Variants in NFIB observed in about 807,000 individuals in gnomAD.
The protein encoded by NFIB is nuclear factor 1 B-type.
In NFIB, 11 loss-of-function variants were observed where a neutral mutation model predicts 61.5. That is an observed-to-expected ratio of 0.18 (90% confidence interval 0.11 to 0.30). NFIB has a LOEUF of 0.30. NFIB is among the 10% of genes least tolerant of loss of function. NFIB has a pLI of 1.00. For synonymous variants in NFIB, 260 were observed against 216.5 expected, an observed-to-expected ratio of 1.20 and a Z score of -1.76; for missense variants, 471 against 608.9, an observed-to-expected ratio of 0.77 and a Z score of 2.38.
At chr9:14,217,332 C>G (rs965758492) in intron 2 of NFIB, among the ~76,000 whole-genome samples, 1 of 152,144 alleles carries the variant, frequency 6.6e-6, no homozygotes, top group Non-Finnish European at 1.5e-5. Flanking sequence ...TATACATTAT[C>G]TAATTATTCA....
the NFIB span, among the ~76,000 whole-genome samples, chr9:14,452,433 G>GGA: frequency 1.2e-5 from 1 of 80,068 alleles, no homozygotes; most frequent in South Asian, 3.6e-4. Context: ...GGGAGGGAGG[G>GGA]AGGGGAAGGA....
At chr9:14,111,253 A>T (rs117202510) in intron 10 of NFIB, among the ~76,000 whole-genome samples, 23 of 152,298 alleles carry the variant, frequency 1.5e-4, no homozygotes, top group Non-Finnish European at 5.9e-5. Context: ...TGAAAGAAGT[A>T]ATTCTTATGT....
Position 14,086,382 on chromosome 9 carries a change from A to ATT in NFIB, c.*1925_*1926dup, listed in dbSNP as rs35934119. 1.2e-4 allele frequency: 26 copies of ATT among 213,104 alleles called. No individual in the cohort carries two copies. The highest frequency in any genetic ancestry group is 1.4e-3 in the Middle Eastern group (1 of 690). The allele number at this position is 213,104 out of a possible 1,614,324, so 13.2% of individuals were successfully genotyped here. A position where few individuals can be genotyped will look rare whatever the true frequency, so the allele number is the denominator to read the frequency against. On this transcript the variant is annotated 3_prime_UTR_variant, in exon 11 of 11. Transcript: ENST00000380953. ...ACAAACAAACAAAAAAGCATACATT[A>ATT]TTTTTTTTTTAAATCTGTGTACTTA...
At chr9:14,290,826 T>C (rs1315863896) in intron 2 of NFIB, among the ~76,000 whole-genome samples, 2 of 152,238 alleles carry the variant, frequency 1.3e-5, no homozygotes, top group East Asian at 1.9e-4. Context: ...TAATGTTCTA[T>C]ATTCAGTATA....
chr9:14,253,254 A>G (rs1043937187), intron 2 of NFIB, among the ~76,000 whole-genome samples: 2 of 152,226 alleles, frequency 1.3e-5, no homozygotes, highest in East Asian at 1.9e-4. Context: ...TACTGCTAAC[A>G]TAACATCTTT....
At chr9:14,403,021 G>A (rs1206734988), upstream of NFIB, among the ~76,000 whole-genome samples, 1 of 152,184 alleles carries the variant, frequency 6.6e-6, no homozygotes, top group East Asian at 1.9e-4. Context: ...CTGGACTGGA[G>A]CATCCAGGCT....
intron 10 of NFIB, among the ~76,000 whole-genome samples, chr9:14,111,318 T>C (rs2037338737): frequency 2.0e-5 from 3 of 152,134 alleles, no homozygotes; most frequent in Admixed American, 1.3e-4. Context: ...TCATAAGGGA[T>C]AAGAAAATTA....
intron 5 of NFIB, among the ~76,000 whole-genome samples, chr9:14,148,255 T>C (rs904282012): frequency 1.3e-4 from 20 of 151,798 alleles, no homozygotes; most frequent in Non-Finnish European, 2.5e-4. Context: ...CCCAAATAGT[T>C]AGGATCACAC....
the NFIB span, among the ~76,000 whole-genome samples, chr9:14,422,142 G>A: frequency 2.6e-5 from 4 of 152,210 alleles, no homozygotes; most frequent in Non-Finnish European, 5.9e-5. Flanking sequence ...ACCATGCTAT[G>A]TAGGGTTAAC....
At position 14,200,887 on chromosome 9, in the gene NFIB, G is replaced by A. The variant is rs74422043; in HGVS notation, c.563-21107C>T. The stretch of plus-strand genomic sequence containing the variant: ...CTTCTTTAACTGCAAAACTCCTCCT[G>A]ATGTTGCTAGTGCACAACCTTTGTA... On this transcript the variant is annotated intron_variant, in intron 2 of 10. Transcript: ENST00000380953. Among the ~76,000 whole-genome samples the A allele has an allele frequency of 6.6e-4, 100 of 152,130 alleles. No homozygotes were observed. In the East Asian group the frequency reaches 0.011, roughly 16 times the overall value.
intron 2 of NFIB, among the ~76,000 whole-genome samples, chr9:14,285,309 G>T (rs1481339211): frequency 1.3e-5 from 2 of 152,126 alleles, no homozygotes. Context: ...TTTTAGTAGA[G>T]ACAGGGTTTC....
At chr9:14,459,692 C>T in the NFIB span, among the ~76,000 whole-genome samples, 1 of 152,142 alleles carries the variant, frequency 6.6e-6, no homozygotes, top group Non-Finnish European at 1.5e-5. Flanking sequence ...ACAACCCCAT[C>T]AAAAAGCGGG....
chr9:14,127,540 A>T (rs1385083061), intron 6 of NFIB, among the ~76,000 whole-genome samples: 1 of 152,200 alleles, frequency 6.6e-6, no homozygotes, highest in African/African-American at 2.4e-5. Flanking sequence ...GTAGTTCAGC[A>T]TGTATCTCTA....
At chr9:14,433,852 C>A in the NFIB span, among the ~76,000 whole-genome samples, 1 of 152,164 alleles carries the variant, frequency 6.6e-6, no homozygotes, top group African/African-American at 2.4e-5. Context: ...TATTGATTTT[C>A]ATGATTGCAT....
chr9:14,519,019 TG>T, the NFIB span, among the ~76,000 whole-genome samples: 1 of 152,202 alleles, frequency 6.6e-6, no homozygotes, highest in Non-Finnish European at 1.5e-5. Context: ...TCATCTTTGA[TG>T]GGTCCTTTTG....
At chr9:14,257,050 G>C (rs934469326) in intron 2 of NFIB, among the ~76,000 whole-genome samples, 5 of 152,182 alleles carry the variant, frequency 3.3e-5, no homozygotes, top group Non-Finnish European at 7.3e-5. Flanking sequence ...TTATGGATTA[G>C]GCAGTATTGC....
In NFIB at chr9:14,086,520, A is replaced by G. The variant is rs1338610758; in HGVS notation, c.*1789T>C. On this transcript the variant is annotated 3_prime_UTR_variant, in exon 11 of 11. Transcript: ENST00000380953. ...CCCAAATATTAATTGGAAGATGAAA[A>G]ACATGAAAGGTTAATAGAAAAAAAC... 9.6e-6 allele frequency: 2 copies of G among 207,512 alleles called. No individual in the cohort carries two copies. The highest frequency in any genetic ancestry group is 4.6e-5 in the African/African-American group (2 of 43,868). 12.9% of individuals were successfully genotyped at this position (207,512 alleles called of 1,614,324 possible). A position where few individuals can be genotyped will look rare whatever the true frequency, so the allele number is the denominator to read the frequency against.
At chr9:14,219,979 A>C (rs2051440145) in intron 2 of NFIB, among the ~76,000 whole-genome samples, 1 of 152,174 alleles carries the variant, frequency 6.6e-6, no homozygotes, top group African/African-American at 2.4e-5. Context: ...ACACCAAAAA[A>C]ACTTTTCCAA....
intron 2 of NFIB, among the ~76,000 whole-genome samples, chr9:14,268,120 CAA>C (rs60610470): frequency 0.021 from 2,889 of 134,642 alleles, 83 homozygotes; most frequent in African/African-American, 0.069. Flanking sequence ...GATTCCATCT[CAA>C]AAAAAAAAAA....
Sources: gnomAD v4.1 joint callset for allele counts (sites outside exome capture counted in the v4.1 genomes callset) on GRCh38, gnomAD v4.1.1 for gene constraint, MANE v1.5 for transcripts, NCBI Gene and HGNC (gene_info 2026-07-23, HGNC 2026-07-21) for gene names.